Variants in KCNK2 observed in about 807,000 individuals in gnomAD.
The protein encoded by KCNK2 is potassium channel subfamily K member 2.
A neutral mutation model predicts 40.5 loss-of-function variants in KCNK2; 21 were observed. That is an observed-to-expected ratio of 0.52 (90% CI 0.37 to 0.75). The LOEUF is 0.75. Ranked by LOEUF, KCNK2 falls within the 30% of genes least tolerant of loss-of-function variation. KCNK2 has a pLI of 0.00. For synonymous variants in KCNK2, 191 were observed against 202.2 expected (o/e 0.94, Z 0.47); for missense variants, 399 against 531.6 (o/e 0.75, Z 2.45).
In KCNK2 at chr1:215,083,194, T is replaced by TCCCCCCCCCCCCCCTC; in HGVS notation, c.-183_-182insCCCCCTCCCCCCCCCC. ...CCCGCGATTTCGTTTCTTCTCACGCTCCCCCCCCCGCCCCCTCCCGCGTCC... is the reference window on the plus strand; with the variant it reads ...CCCGCGATTTCGTTTCTTCTCACGCTCCCCCCCCCCCCCCTCCCCCCCCCCGCCCCCTCCCGCGTCC... On this transcript the variant is annotated 5_prime_UTR_variant, in exon 1 of 7. Coordinates refer to ENST00000444842, the MANE Select transcript of KCNK2 (RefSeq NM_001017425.3). 4.0e-6 allele frequency: 2 copies of TCCCCCCCCCCCCCCTC among 501,814 alleles called. No homozygotes were observed. Among genetic ancestry groups the TCCCCCCCCCCCCCCTC allele is most frequent in the Non-Finnish European group, 3.3e-6 (1 of 301,554 alleles). The allele number at this position is 501,814 out of a possible 1,614,324, so 31.1% of individuals were successfully genotyped here. A position where few individuals can be genotyped will look rare whatever the true frequency, so the allele number is the denominator to read the frequency against.
chr1:215,213,827 TAG>T (rs1204880996), intron 6 of KCNK2, among the ~76,000 whole-genome samples: 1 of 152,124 alleles, frequency 6.6e-6, no homozygotes, highest in African/African-American at 2.4e-5. Flanking sequence ...ATGAAAAGTG[TAG>T]AGTCTATAAA....
chr1:215,009,152 T>C (rs1049383771), intron 1 of KCNK2, among the ~76,000 whole-genome samples: 1 of 152,174 alleles, frequency 6.6e-6, no homozygotes, highest in African/African-American at 2.4e-5. Context: ...CTATAGTAGC[T>C]TTCTATGGTG....
intron 5 of KCNK2, among the ~76,000 whole-genome samples, chr1:215,176,907 T>C (rs1224955595): frequency 6.6e-6 from 1 of 152,228 alleles, no homozygotes; most frequent in Non-Finnish European, 1.5e-5. Flanking sequence ...CTTTGAGGAA[T>C]AATCACATTG....
chr1:215,213,913 A>T (rs1311703625), intron 6 of KCNK2, among the ~76,000 whole-genome samples: 2 of 152,172 alleles, frequency 1.3e-5, no homozygotes, highest in Non-Finnish European at 2.9e-5. Context: ...TTTTATATTT[A>T]ATAAATATTC....
intron 6 of KCNK2, among the ~76,000 whole-genome samples, chr1:215,206,794 C>A (rs970997245): frequency 6.6e-6 from 1 of 152,174 alleles, no homozygotes; most frequent in Non-Finnish European, 1.5e-5. Context: ...ATATTGATCC[C>A]TCACTTTATT....
chr1:215,172,919 A>G (rs1663781838), intron 5 of KCNK2, among the ~76,000 whole-genome samples: 1 of 152,048 alleles, frequency 6.6e-6, no homozygotes, highest in Non-Finnish European at 1.5e-5. Context: ...AAGTGCTGGG[A>G]TTACAGGCAC....
intron 1 of KCNK2, among the ~76,000 whole-genome samples, chr1:215,014,379 G>A (rs2601638): frequency 0.56 from 84,596 of 150,778 alleles, 25,358 homozygotes; most frequent in South Asian, 0.78. Context: ...TTCTTTTTCT[G>A]TACTGCCTTT....
Position 215,083,213 on chromosome 1 carries a change from C to CCCGG in KCNK2, c.-173_-172insCCGG. 7.2e-7 allele frequency: 1 copy of CCCGG among 1,393,878 alleles called. No homozygotes were observed. Among genetic ancestry groups the CCCGG allele is most frequent in the Non-Finnish European group, 9.8e-7 (1 of 1,021,668 alleles). 86.3% of individuals were successfully genotyped at this position (1,393,878 alleles called of 1,614,324 possible). A position where few individuals can be genotyped will look rare whatever the true frequency, so the allele number is the denominator to read the frequency against. ...TCACGCTCCCCCCCCCGCCCCCTCCCGCGTCCAGCCCCGCTCTCCCCACCT... is the reference window on the plus strand; with the variant it reads ...TCACGCTCCCCCCCCCGCCCCCTCCCCCGGGCGTCCAGCCCCGCTCTCCCCACCT... On this transcript the variant is annotated 5_prime_UTR_variant, in exon 1 of 7. Coordinates refer to ENST00000444842, the MANE Select transcript of KCNK2 (RefSeq NM_001017425.3).
intron 5 of KCNK2, among the ~76,000 whole-genome samples, chr1:215,177,697 G>C (rs1021807494): frequency 5.0e-5 from 7 of 140,060 alleles, no homozygotes; most frequent in Non-Finnish European, 1.1e-4. Context: ...TCTCTATTCT[G>C]CTCCACTGGC....
chr1:215,023,453 C>T (rs984692544), intron 1 of KCNK2, among the ~76,000 whole-genome samples: 4 of 152,160 alleles, frequency 2.6e-5, no homozygotes, highest in African/African-American at 9.7e-5. Context: ...ACTTCAACAT[C>T]ATTTTATACT....
rs369123210 is a variant in KCNK2 at position 215,020,634 on chromosome 1, C to T, written c.34+14679C>T. Among the ~76,000 whole-genome samples, 83 of 152,080 alleles carry T rather than the reference C, an allele frequency of 5.5e-4. 1 individual carries two copies. Among genetic ancestry groups the T allele is most frequent in the African/African-American group, 1.9e-3 (78 of 41,406 alleles). Reference sequence around the variant, plus strand: ...AGGCACGAGATTTCACCATGTTGCCCAGGTTGGTTTTGAACTCCTGAGCTC... The same window carrying T: ...AGGCACGAGATTTCACCATGTTGCCTAGGTTGGTTTTGAACTCCTGAGCTC... On this transcript the variant is annotated intron_variant, in intron 1 of 6. Coordinates refer to the KCNK2 transcript ENST00000391895.
At chr1:215,147,003 T>C (rs187883011) in intron 3 of KCNK2, among the ~76,000 whole-genome samples, 10 of 152,314 alleles carry the variant, frequency 6.6e-5, no homozygotes, top group African/African-American at 2.4e-4. Flanking sequence ...AATTATTTTA[T>C]TATTGATGAA....
At position 215,057,445 on chromosome 1, in the gene KCNK2, G is replaced by A. The variant is rs182844742; in HGVS notation, c.35-28923G>A. On this transcript the variant is annotated intron_variant, in intron 1 of 6. Transcript: ENST00000391895. The stretch of plus-strand genomic sequence containing the variant: ...GCTTTGGGTGTGACAGCTGAGGCAG[G>A]ACCCACATGGGTGACAGTGAAATAT... 1.4e-4 allele frequency among the ~76,000 whole-genome samples: 21 copies of A among 152,224 alleles called. No homozygotes were observed. The South Asian group carries it at 4.1e-3, about 30-fold the overall frequency.
At chr1:215,211,242 C>T (rs1323760206) in intron 6 of KCNK2, among the ~76,000 whole-genome samples, 2 of 152,206 alleles carry the variant, frequency 1.3e-5, no homozygotes, top group South Asian at 2.1e-4. Flanking sequence ...GTTCCAGCCT[C>T]GCTAGTCCCC....
At chr1:215,219,866 T>G (rs1322130683) in intron 6 of KCNK2, among the ~76,000 whole-genome samples, 1 of 152,208 alleles carries the variant, frequency 6.6e-6, no homozygotes, top group East Asian at 1.9e-4. Context: ...CCCTTGAAAC[T>G]TCTCTGAATT....
rs1443140337 is a variant in KCNK2, at chr1:215,015,617, C to CA, written c.34+9663dup. 1.8e-4 allele frequency among the ~76,000 whole-genome samples: 28 copies of CA among 152,176 alleles called. No individual in the cohort carries two copies. The East Asian group carries it at 4.4e-3, about 24-fold the overall frequency. On this transcript the variant is annotated intron_variant, in intron 1 of 6. Transcript: ENST00000391895. ...TCTCAGTGACAGAGACGTGTGCTCCCAGCATCATTTTGCCCATGGAGCTTC... is the reference window on the plus strand; with the variant it reads ...TCTCAGTGACAGAGACGTGTGCTCCCAAGCATCATTTTGCCCATGGAGCTTC...
rs527540493 is a variant in KCNK2, at chr1:215,148,564, G to A, written c.476-20635G>A. ...CCTATAGATTGCTCTTTTCAATTCAGCATATTTTCTTGCATATCTGCTCTG... is the reference window on the plus strand; with the variant it reads ...CCTATAGATTGCTCTTTTCAATTCAACATATTTTCTTGCATATCTGCTCTG... On this transcript the variant is annotated intron_variant, in intron 3 of 6. Transcript: ENST00000444842. Among the ~76,000 whole-genome samples the A allele has an allele frequency of 3.9e-5, 6 of 152,118 alleles. No homozygotes were observed. The East Asian group carries it at 1.2e-3, about 29-fold the overall frequency.
intron 3 of KCNK2, among the ~76,000 whole-genome samples, chr1:215,161,146 A>G (rs1663175818): frequency 6.6e-6 from 1 of 152,162 alleles, no homozygotes; most frequent in South Asian, 2.1e-4. Flanking sequence ...TGCATTGGTC[A>G]GTCAGCCTAC....
chr1:215,137,945 C>A (rs1662002004), intron 3 of KCNK2, among the ~76,000 whole-genome samples: 1 of 152,080 alleles, frequency 6.6e-6, no homozygotes, highest in Admixed American at 6.6e-5. Flanking sequence ...AAGAGAGGGT[C>A]CACAGCACAT....
Sources: allele counts gnomAD v4.1 joint callset (sites outside exome capture counted in the v4.1 genomes callset), GRCh38; gene constraint gnomAD v4.1.1; transcripts MANE v1.5; gene names NCBI Gene and HGNC (gene_info 2026-07-23, HGNC 2026-07-21).